DOCK7: variants seen among roughly 807,000 people sequenced by gnomAD.
DOCK7 encodes dedicator of cytokinesis protein 7.
DOCK7 carries 138 observed loss-of-function variants against 271.0 expected under a neutral mutation model. The observed-to-expected ratio is 0.51, with a 90% CI of 0.44 to 0.59. The LOEUF is 0.59. Ranked by LOEUF, DOCK7 falls within the 20% of genes least tolerant of loss-of-function variation. The pLI is 0.00. For synonymous variants in DOCK7, 823 were observed against 876.1 expected (o/e 0.94, Z 1.07); for missense variants, 2,066 against 2,592.4 (o/e 0.80, Z 4.41).
At position 62,492,814 on chromosome 1, in the gene DOCK7, C is replaced by T. The variant is rs758110519; in HGVS notation, c.5251G>A (p.Val1751Ile). The T allele has an allele frequency of 3.7e-6, 6 of 1,613,342 alleles. No individual in the cohort carries two copies. Among genetic ancestry groups the T allele is most frequent in the Non-Finnish European group, 5.1e-6 (6 of 1,179,660 alleles). ...ISSNVLEESA[V>I]SDDVVSPDEE... ...TCTGGAGATACCACATCATCTGAGACCGCAGATTCTTCTAAAACATTAGAT... is the reference window on the plus strand; with the variant it reads ...TCTGGAGATACCACATCATCTGAGATCGCAGATTCTTCTAAAACATTAGAT... Residue 1751 changes from valine (V) to isoleucine (I), a missense_variant, in exon 41 of 50, where the codon GTC becomes ATC. Val to Ile is a conservative substitution (Grantham distance 29, BLOSUM62 3). Coordinates refer to ENST00000635253, the MANE Select transcript of DOCK7 (RefSeq NM_001367561.1).
chr1:62,542,860 G>A (rs1026294373), intron 24 of DOCK7, among the ~76,000 whole-genome samples, 157 bp from the exon 25 acceptor site: 2 of 152,044 alleles, frequency 1.3e-5, no homozygotes, highest in Admixed American at 6.6e-5. Flanking sequence ...TTAACGAAAC[G>A]GCTATTTATG....
chr1:62,595,650 C>T (rs1021179838), intron 14 of DOCK7, among the ~76,000 whole-genome samples: 2 of 152,110 alleles, frequency 1.3e-5, no homozygotes, highest in Non-Finnish European at 2.9e-5. Context: ...AATTTAGGGA[C>T]GAGCACAGTG....
At chr1:62,653,480 G>A (rs939831421) in intron 4 of DOCK7, among the ~76,000 whole-genome samples, 4 of 152,038 alleles carry the variant, frequency 2.6e-5, no homozygotes, top group Non-Finnish European at 4.4e-5. Context: ...TCATACATTA[G>A]TAGCTCTTAA....
At position 62,505,667 on chromosome 1, in the gene DOCK7, T is replaced by C. The variant is rs1420252877; in HGVS notation, c.4611+15A>G. On this transcript the variant is annotated intron_variant, in intron 36 of 49. Coordinates refer to ENST00000635253, the MANE Select transcript of DOCK7 (RefSeq NM_001367561.1). ...AAACAAAGTCTGACAACACTGCAGG[T>C]ACAAAATAACCTACCTTTGAAACCA... is the stretch of plus-strand genomic sequence containing the variant. 6.3e-7 allele frequency: 1 copy of C among 1,599,036 alleles called. No individual in the cohort carries two copies. The highest frequency in any genetic ancestry group is 8.5e-7 in the Non-Finnish European group (1 of 1,175,672).
At position 62,542,664 on chromosome 1, in the gene DOCK7, T is replaced by C; in HGVS notation, c.2989A>G (p.Ser997Gly). 6.2e-7 allele frequency: 1 copy of C among 1,613,104 alleles called. No homozygotes were observed. The highest frequency in any genetic ancestry group is 8.5e-7 in the Non-Finnish European group (1 of 1,179,420). Residue 997 changes from serine to glycine, a missense_variant, in exon 25 of 50, where the codon AGT becomes GGT. Physicochemically the swap from Ser to Gly is moderately conservative, Grantham distance 56. This residue lies in a region of DOCK7 where 1,414 missense variants were observed against 1,670.4 expected (regional missense o/e 0.85). Coordinates refer to ENST00000635253, the MANE Select transcript of DOCK7 (RefSeq NM_001367561.1). ...EELALQWVVC[S>G]GSVRESALQQ... ...AAAGCTGATTCCCGAACGCTGCCAC[T>C]GCAAACAACCCACTGCAAAGCCAGC...
At chr1:62,585,189 T>A (rs769534286) in intron 15 of DOCK7, among the ~76,000 whole-genome samples, 25 of 151,962 alleles carry the variant, frequency 1.6e-4, no homozygotes, top group Non-Finnish European at 2.9e-4. Context: ...CTGAAAAAAA[T>A]GCCATACGAG....
rs1217235928 is a variant in DOCK7, at chr1:62,483,209, T to TTTTTTTTTTTTCTG, written c.5508+4188_5508+4189insCAGAAAAAAAAAAA. On this transcript the variant is annotated intron_variant, in intron 43 of 49. Coordinates refer to ENST00000635253, the MANE Select transcript of DOCK7 (RefSeq NM_001367561.1). ...TTTTTTTTTTTTTTTTTTTTTTTTT[T>TTTTTTTTTTTTCTG]TTGGGTAGAGATGAGATCTCAGTGT... 2 of 74,400 alleles carry TTTTTTTTTTTTCTG rather than the reference T, an allele frequency of 2.7e-5. 1 individual carries two copies. Among genetic ancestry groups the TTTTTTTTTTTTCTG allele is most frequent in the Admixed American group, 3.5e-4 (2 of 5,796 alleles). 4.6% of individuals were successfully genotyped at this position (74,400 alleles called of 1,614,324 possible).
At chr1:62,569,004 T>C (rs75429468) in intron 18 of DOCK7, among the ~76,000 whole-genome samples, 1 of 152,068 alleles carries the variant, frequency 6.6e-6, no homozygotes, top group Non-Finnish European at 1.5e-5. Context: ...AAGAAATAGA[T>C]AAATTCCTGG....
chr1:62,455,877 G>C (rs1260078310), intron 49 of DOCK7, among the ~76,000 whole-genome samples: 1 of 152,112 alleles, frequency 6.6e-6, no homozygotes, highest in Non-Finnish European at 1.5e-5. Context: ...AGAACCCCAG[G>C]AATCTTTTAT....
intron 1 of DOCK7, among the ~76,000 whole-genome samples, chr1:62,688,020 G>A (rs911131102): frequency 3.3e-5 from 5 of 151,858 alleles, no homozygotes; most frequent in African/African-American, 1.2e-4. Context: ...AGCGGCGGGC[G>A]CGGGCTGAAG....
chr1:62,455,122 T>TA lies in DOCK7; in HGVS notation c.*291dup. 1 of 532,322 alleles carries TA rather than the reference T, an allele frequency of 1.9e-6. No homozygotes were observed. Among genetic ancestry groups the TA allele is most frequent in the Non-Finnish European group, 3.3e-6 (1 of 303,978 alleles). 33.0% of individuals were successfully genotyped at this position (532,322 alleles called of 1,614,324 possible). A position where few individuals can be genotyped will look rare whatever the true frequency, so the allele number is the denominator to read the frequency against. ...TAATATAAATTAAAAAATACGAACT[T>TA]AAAGTGAATAAATTTTTAACCTTAG... On this transcript the variant is annotated 3_prime_UTR_variant, in exon 50 of 50. Coordinates refer to ENST00000635253, the MANE Select transcript of DOCK7 (RefSeq NM_001367561.1).
At chr1:62,665,714 CAAAAAAAAAAAAAA>C (rs59439795) in intron 1 of DOCK7, among the ~76,000 whole-genome samples, 7 of 43,094 alleles carry the variant, frequency 1.6e-4, no homozygotes, top group African/African-American at 6.2e-4. Flanking sequence ...GACTCCATCT[CAAAAAAAAAAAAAA>C]AAAAAAAAAA....
In DOCK7 at chr1:62,583,269, A is replaced by C. The variant is rs755632329; in HGVS notation, c.1801-15T>G. 2 of 1,606,316 alleles carry C rather than the reference A, an allele frequency of 1.2e-6. No homozygotes were observed. Among genetic ancestry groups the C allele is most frequent in the Non-Finnish European group, 1.7e-6 (2 of 1,173,870 alleles). On this transcript the variant is annotated splice_polypyrimidine_tract_variant and intron_variant, in intron 15 of 49. Coordinates refer to ENST00000635253, the MANE Select transcript of DOCK7 (RefSeq NM_001367561.1). The stretch of plus-strand genomic sequence containing the variant: ...CCAAAGATTACCTGAAACAAATAAC[A>C]GCATGTTGAAACTTTGTTGTAGTAA...
At chr1:62,687,663 C>T (rs1661956905) in intron 1 of DOCK7, 1 of 152,250 alleles carries the variant, frequency 6.6e-6, no homozygotes, top group Non-Finnish European at 1.5e-5. Context: ...GAACCTGGCC[C>T]GAGGGTGCAA....
At chr1:62,553,709 ATACTC>A (rs1357736006) in intron 21 of DOCK7, among the ~76,000 whole-genome samples, 2 of 152,048 alleles carry the variant, frequency 1.3e-5, no homozygotes, top group African/African-American at 4.8e-5. Context: ...CTGTACAAAG[ATACTC>A]TATTTTACAG....
intron 22 of DOCK7, among the ~76,000 whole-genome samples, chr1:62,549,053 GAAGAC>G (rs1031571938): frequency 3.8e-4 from 58 of 152,188 alleles, no homozygotes; most frequent in African/African-American, 1.3e-3. Context: ...AGTGTAGAGA[GAAGAC>G]AAGAGAAGAG....
chr1:62,513,417 A>G (rs1232196854), intron 33 of DOCK7, 27 bp downstream of exon 33: 1 of 1,576,188 alleles, frequency 6.3e-7, no homozygotes, highest in East Asian at 2.2e-5. Flanking sequence ...ACAATATACA[A>G]CTCAAGGAAA....
intron 1 of DOCK7, among the ~76,000 whole-genome samples, chr1:62,681,908 AT>A (rs1661212656): frequency 3.9e-5 from 6 of 152,206 alleles, no homozygotes; most frequent in Admixed American, 3.9e-4. Flanking sequence ...AGAAGAAAAC[AT>A]TTTGCTTAGT....
At chr1:62,649,420 G>C (rs1657065920) in intron 4 of DOCK7, among the ~76,000 whole-genome samples, 2 of 152,072 alleles carry the variant, frequency 1.3e-5, no homozygotes, top group African/African-American at 2.4e-5. Context: ...AATCGCAAAA[G>C]AAAGTATTTT....
Sources: allele counts gnomAD v4.1 joint callset (sites outside exome capture counted in the v4.1 genomes callset), GRCh38; gene constraint gnomAD v4.1.1; regional missense constraint gnomAD v4.1.1; transcripts MANE v1.5; gene names NCBI Gene and HGNC (gene_info 2026-07-23, HGNC 2026-07-21).